The following MAPKAPK3 variants were observed in gnomAD, a reference collection of about 807,000 sequenced individuals.
The protein encoded by MAPKAPK3 is MAP kinase-activated protein kinase 3.
MAPKAPK3 carries 35 observed loss-of-function variants against 49.2 expected under a neutral mutation model. That is an observed-to-expected ratio of 0.71 (90% CI 0.54 to 0.94). The LOEUF (loss-of-function observed/expected upper bound fraction) is 0.94, where lower values mean the gene tolerates loss of function less well. Among genes scored for constraint, MAPKAPK3 ranks in the 40% least tolerant of loss-of-function variants. The pLI is 0.00. For missense variants in MAPKAPK3, 398 were observed against 493.1 expected, an observed-to-expected ratio of 0.81 and a Z score of 1.83; for synonymous variants, 178 against 188.7, an observed-to-expected ratio of 0.94 and a Z score of 0.46.
At chr3:50,619,345 G>A (rs1405615123) in intron 2 of MAPKAPK3, among the ~76,000 whole-genome samples, 3 of 152,168 alleles carry the variant, frequency 2.0e-5, no homozygotes, top group East Asian at 1.9e-4. Flanking sequence ...GGGAACATGC[G>A]GGTGGGTCTA....
rs1304975980 is a variant in MAPKAPK3, at chr3:50,647,980, C to T, written c.1083C>T (p.Leu361=). The change falls in exon 11 of 11, where the codon CTC becomes CTT. Residue 361 remains leucine, a synonymous_variant. Coordinates refer to ENST00000621469, the MANE Select transcript of MAPKAPK3 (RefSeq NM_001243925.2). ...IKDLKTSNNR[L]LNKRRKKQAG... is the part of the protein sequence containing the mutation. ...ACCTGAAGACCTCTAACAACCGGCT[C>T]CTCAACAAGAGGAGAAAAAAGCAGG... 6.2e-7 allele frequency: 1 copy of T among 1,613,962 alleles called. No individual in the cohort carries two copies. The highest frequency in any genetic ancestry group is 1.1e-5 in the South Asian group (1 of 91,088).
In MAPKAPK3 at chr3:50,618,503, G is replaced by T. The variant is rs921454580; in HGVS notation, c.219+719G>T. Among the ~76,000 whole-genome samples, 5 of 152,112 alleles carry T rather than the reference G, an allele frequency of 3.3e-5. No homozygotes were observed. In the East Asian group the frequency reaches 9.7e-4, roughly 29 times the overall value. On this transcript the variant is annotated intron_variant, in intron 2 of 10. Transcript: ENST00000621469. ...TGGGGGTCAGGGGGATGCTGGGGGCGGGTACCTGGTTCCAGCTTAAGGCAT... is the reference window on the plus strand; with the variant it reads ...TGGGGGTCAGGGGGATGCTGGGGGCTGGTACCTGGTTCCAGCTTAAGGCAT...
chr3:50,635,406 CTTTTTTTTT>C (rs386396609), intron 2 of MAPKAPK3, among the ~76,000 whole-genome samples: 7 of 48,624 alleles, frequency 1.4e-4, no homozygotes, highest in South Asian at 1.5e-3. Flanking sequence ...TCAATTTAAT[CTTTTTTTTT>C]TTTTTTTTTT....
At chr3:50,621,631 G>A (rs138162891) in intron 2 of MAPKAPK3, among the ~76,000 whole-genome samples, 86 of 149,798 alleles carry the variant, frequency 5.7e-4, no homozygotes, top group African/African-American at 2.1e-3. Context: ...GTAGCCAGGT[G>A]TGGTGGCACA....
At chr3:50,634,218 A>T (rs540468995) in intron 2 of MAPKAPK3, among the ~76,000 whole-genome samples, 3 of 152,310 alleles carry the variant, frequency 2.0e-5, no homozygotes, top group South Asian at 2.1e-4. Flanking sequence ...GTGGGGACCC[A>T]CACCTCAGGT....
At chr3:50,611,748 G>C (rs960396143), upstream of MAPKAPK3, 3 of 1,381,426 alleles carry the variant, frequency 2.2e-6, no homozygotes, top group Non-Finnish European at 1.9e-6. Flanking sequence ...GTAGGCTCCC[G>C]GGGCGCGCGG....
At chr3:50,634,203 C>G (rs575846109) in intron 2 of MAPKAPK3, among the ~76,000 whole-genome samples, 1 of 152,210 alleles carries the variant, frequency 6.6e-6, no homozygotes. Flanking sequence ...GCTTGTTGAG[C>G]TTCAGTGGGG....
upstream of MAPKAPK3, chr3:50,612,721 C>G (rs975747492): frequency 3.3e-5 from 5 of 151,706 alleles, no homozygotes; most frequent in African/African-American, 9.7e-5. Flanking sequence ...CCCCACCCCC[C>G]GCCAGAAAAA....
At chr3:50,632,822 G>T (rs557481210) in intron 2 of MAPKAPK3, among the ~76,000 whole-genome samples, 1 of 152,196 alleles carries the variant, frequency 6.6e-6, no homozygotes, top group African/African-American at 2.4e-5. Context: ...TAGCCTCGGC[G>T]CTTCCTGTAT....
chr3:50,635,993 TC>T (rs1226817304), intron 2 of MAPKAPK3, among the ~76,000 whole-genome samples: 4 of 143,822 alleles, frequency 2.8e-5, no homozygotes, highest in African/African-American at 1.0e-4. Context: ...GCACCTGTGG[TC>T]CCAGCTACTT....
At chr3:50,640,079 G>A (rs1444125632) in intron 2 of MAPKAPK3, among the ~76,000 whole-genome samples, 2 of 152,142 alleles carry the variant, frequency 1.3e-5, no homozygotes, top group African/African-American at 4.8e-5. Context: ...TTCCATCTGA[G>A]AAGGGAAGCA....
chr3:50,645,684 G>T, intron 6 of MAPKAPK3, 26 bp from the exon 7 acceptor site: 2 of 1,604,230 alleles, frequency 1.2e-6, no homozygotes, highest in Non-Finnish European at 1.7e-6. Flanking sequence ...GGGTCTGAGA[G>T]CCCTGCTGTC....
upstream of MAPKAPK3, among the ~76,000 whole-genome samples, chr3:50,614,898 A>G (rs2032426017): frequency 6.6e-6 from 1 of 152,268 alleles, no homozygotes; most frequent in Admixed American, 6.5e-5. Flanking sequence ...ATACTTCTGT[A>G]TAATTTGAAT....
At chr3:50,644,845 G>A (rs2033252038) in intron 6 of MAPKAPK3, among the ~76,000 whole-genome samples, 1 of 152,224 alleles carries the variant, frequency 6.6e-6, no homozygotes. Flanking sequence ...CCCAACCGCG[G>A]TTGTTTTTCT....
chr3:50,625,894 A>T (rs187082279), intron 2 of MAPKAPK3, among the ~76,000 whole-genome samples: 29 of 150,696 alleles, frequency 1.9e-4, no homozygotes, highest in African/African-American at 6.1e-4. Flanking sequence ...CGGGCAGCTC[A>T]CTCCCCCACC....
At chr3:50,636,337 G>A (rs2033040937) in intron 2 of MAPKAPK3, among the ~76,000 whole-genome samples, 1 of 152,226 alleles carries the variant, frequency 6.6e-6, no homozygotes, top group South Asian at 2.1e-4. Context: ...TGGTGATAAT[G>A]AAGTCCTTTC....
chr3:50,622,386 C>T (rs574501088), intron 2 of MAPKAPK3, among the ~76,000 whole-genome samples: 25 of 152,304 alleles, frequency 1.6e-4, no homozygotes, highest in African/African-American at 5.8e-4. Context: ...AATTTCTTCT[C>T]ATCTGTCAAG....
intron 9 of MAPKAPK3, 24 bp downstream of exon 9, chr3:50,646,849 C>T (rs781575783): frequency 1.9e-6 from 3 of 1,610,060 alleles, no homozygotes; most frequent in South Asian, 1.1e-5. Context: ...CCTCCCATGG[C>T]AGGCAGGGTG....
At chr3:50,616,126 A>G (rs569247669), upstream of MAPKAPK3, among the ~76,000 whole-genome samples, 33 of 152,342 alleles carry the variant, frequency 2.2e-4, no homozygotes, top group African/African-American at 7.5e-4. Context: ...GCAGAGGCCC[A>G]TGCAGAGCCC....
Sources: gnomAD v4.1 joint callset for allele counts (sites outside exome capture counted in the v4.1 genomes callset) on GRCh38, gnomAD v4.1.1 for gene constraint, MANE v1.5 for transcripts, NCBI Gene and HGNC (gene_info 2026-07-23, HGNC 2026-07-21) for gene names.